ZBTB20: variants seen among roughly 807,000 people sequenced by gnomAD.
ZBTB20 encodes zinc finger and BTB domain containing 20, also known as zinc finger and BTB domain-containing protein 20.
ZBTB20 carries 9 observed loss-of-function variants against 56.9 expected under a neutral mutation model. The observed-to-expected ratio is 0.16, with a 90% CI of 0.10 to 0.28. The LOEUF (loss-of-function observed/expected upper bound fraction) is 0.28, where lower values mean the gene tolerates loss of function less well. Ranked by LOEUF, ZBTB20 falls within the 10% of genes least tolerant of loss-of-function variation. The probability of loss-of-function intolerance (pLI) is 1.00; values close to 1 mark genes in which losing one functional copy is unlikely to be tolerated. For synonymous variants in ZBTB20, 417 were observed against 420.7 expected (o/e 0.99, Z 0.11); for missense variants, 655 against 1,003.0 (o/e 0.65, Z 4.69).
At chr3:114,999,036 G>A (rs541654385) in intron 2 of ZBTB20, among the ~76,000 whole-genome samples, 1 of 138,974 alleles carries the variant, frequency 7.2e-6, no homozygotes, top group Non-Finnish European at 1.6e-5. Context: ...GAGGGGAGGG[G>A]AGGGAAAAGG....
intron 4 of ZBTB20, among the ~76,000 whole-genome samples, chr3:114,893,530 T>C (rs1410506204): frequency 3.3e-5 from 5 of 152,182 alleles, no homozygotes; most frequent in African/African-American, 4.8e-5. Flanking sequence ...TGTGCCTTGC[T>C]CTTTAGTGTG....
intron 7 of ZBTB20, among the ~76,000 whole-genome samples, chr3:114,414,737 ATTATAAAATATAT>A (rs2088344789): frequency 6.8e-6 from 1 of 147,850 alleles, no homozygotes; most frequent in Non-Finnish European, 1.5e-5. Flanking sequence ...ATAAAATATA[ATTATAAAATATAT>A]AAAATATAAA....
At chr3:114,890,502 C>T (rs998131664) in intron 4 of ZBTB20, among the ~76,000 whole-genome samples, 3 of 152,064 alleles carry the variant, frequency 2.0e-5, no homozygotes, top group African/African-American at 7.2e-5. Context: ...GTCACAAGGA[C>T]AGAAAACCAA....
At chr3:115,146,310 T>C (rs183476655) in intron 1 of ZBTB20, among the ~76,000 whole-genome samples, 1 of 144,166 alleles carries the variant, frequency 6.9e-6, no homozygotes, top group African/African-American at 2.5e-5. Flanking sequence ...TGTTTATCAA[T>C]AGAACTTTTA....
At chr3:114,461,908 C>A (rs1016026653) in intron 7 of ZBTB20, among the ~76,000 whole-genome samples, 2 of 152,154 alleles carry the variant, frequency 1.3e-5, no homozygotes, top group Non-Finnish European at 2.9e-5. Flanking sequence ...TGAAAAAACA[C>A]GTTGGACTCA....
At chr3:114,634,587 G>C (rs2059151128) in intron 6 of ZBTB20, among the ~76,000 whole-genome samples, 1 of 152,150 alleles carries the variant, frequency 6.6e-6, no homozygotes, top group African/African-American at 2.4e-5. Context: ...AACAATGTTG[G>C]AACCAAAATA....
chr3:114,940,392 ATTT>A (rs11338133), intron 3 of ZBTB20, among the ~76,000 whole-genome samples: 2 of 135,140 alleles, frequency 1.5e-5, no homozygotes, highest in Non-Finnish European at 3.1e-5. Context: ...TTCATTTCTG[ATTT>A]TTTTTTTTTT....
chr3:114,716,161 A>C (rs1333589232), intron 5 of ZBTB20, among the ~76,000 whole-genome samples: 3 of 152,136 alleles, frequency 2.0e-5, no homozygotes, highest in African/African-American at 7.2e-5. Context: ...ACACGGGAAA[A>C]GCTCTGTTTT....
At chr3:114,622,357 T>C (rs1227896395) in intron 6 of ZBTB20, among the ~76,000 whole-genome samples, 3 of 152,220 alleles carry the variant, frequency 2.0e-5, no homozygotes, top group Non-Finnish European at 4.4e-5. Context: ...AGAAATATTA[T>C]ACATATAAAT....
At chr3:114,743,184 C>T (rs750098645) in intron 5 of ZBTB20, among the ~76,000 whole-genome samples, 21 of 152,008 alleles carry the variant, frequency 1.4e-4, no homozygotes, top group Non-Finnish European at 2.6e-4. Flanking sequence ...TACTCTCATC[C>T]CCAAAGGGAA....
At position 114,786,971 on chromosome 3, in the gene ZBTB20, T is replaced by C. The variant is rs533406535; in HGVS notation, c.-343+14130A>G. 1.8e-4 allele frequency among the ~76,000 whole-genome samples: 28 copies of C among 152,080 alleles called. No homozygotes were observed. The East Asian group carries it at 5.4e-3, about 29-fold the overall frequency. On this transcript the variant is annotated intron_variant, in intron 5 of 11. Coordinates refer to ENST00000675478, the MANE Select transcript of ZBTB20 (RefSeq NM_001348800.3). The stretch of plus-strand genomic sequence containing the variant: ...ACAAATCGTGAAACATGCAATGATA[T>C]GAAAGAATATTTTATTTTATTTTTT...
chr3:114,789,291 T>C (rs528657638), intron 5 of ZBTB20, among the ~76,000 whole-genome samples: 69 of 152,270 alleles, frequency 4.5e-4, no homozygotes, highest in Middle Eastern at 3.4e-3. Context: ...ATTGTCTGGT[T>C]AGAGAAGCAG....
intron 6 of ZBTB20, among the ~76,000 whole-genome samples, chr3:114,606,896 G>A (rs1577915409): frequency 1.3e-5 from 2 of 152,128 alleles, no homozygotes; most frequent in East Asian, 3.9e-4. Context: ...AGGAGTTCGA[G>A]GCCAGCCTTG....
At chr3:114,607,615 T>C (rs1225208369) in intron 6 of ZBTB20, among the ~76,000 whole-genome samples, 1 of 152,158 alleles carries the variant, frequency 6.6e-6, no homozygotes, top group Non-Finnish European at 1.5e-5. Context: ...ATTCTCTTAC[T>C]CTTTTAATAA....
intron 2 of ZBTB20, among the ~76,000 whole-genome samples, chr3:115,008,754 T>C (rs2079575291): frequency 6.6e-6 from 1 of 151,908 alleles, no homozygotes; most frequent in Non-Finnish European, 1.5e-5. Context: ...CATTTTTTCT[T>C]GGTAGGAGAT....
intron 6 of ZBTB20, among the ~76,000 whole-genome samples, chr3:114,530,271 C>T (rs1244958833): frequency 6.6e-6 from 1 of 152,184 alleles, no homozygotes; most frequent in Admixed American, 6.5e-5. Flanking sequence ...CACTTTTGAT[C>T]TTTTATGCTG....
At chr3:114,818,145 A>G (rs2073047980) in intron 4 of ZBTB20, among the ~76,000 whole-genome samples, 1 of 152,116 alleles carries the variant, frequency 6.6e-6, no homozygotes, top group Middle Eastern at 3.2e-3. Flanking sequence ...ACATAAGTCT[A>G]TGAATTTTCT....
chr3:114,972,386 G>C lies in ZBTB20; in HGVS notation c.-456+1980C>G, dbSNP rs1200103723. The stretch of plus-strand genomic sequence containing the variant: ...ACTAACATGGACTACAATCCTGCAT[G>C]TACCATTGGTACCTGCATAGTACCA... On this transcript the variant is annotated intron_variant, in intron 3 of 11. Transcript: ENST00000675478. Among the ~76,000 whole-genome samples, 3 of 152,118 alleles carry C rather than the reference G, an allele frequency of 2.0e-5. No individual in the cohort carries two copies. In the East Asian group the frequency reaches 5.8e-4, roughly 29 times the overall value.
At chr3:114,801,456 T>C (rs1386974051) in intron 4 of ZBTB20, among the ~76,000 whole-genome samples, 1 of 151,308 alleles carries the variant, frequency 6.6e-6, no homozygotes, top group Non-Finnish European at 1.5e-5. Flanking sequence ...GACTTCATAA[T>C]GATATGACTA....
Sources: gnomAD v4.1 joint callset for allele counts (sites outside exome capture counted in the v4.1 genomes callset) on GRCh38, gnomAD v4.1.1 for gene constraint, MANE v1.5 for transcripts, NCBI Gene and HGNC (gene_info 2026-07-23, HGNC 2026-07-21) for gene names.